SCIN: variants seen among roughly 807,000 people sequenced by gnomAD.
SCIN encodes the protein adseverin.
Under a neutral mutation model 91.8 loss-of-function variants are expected in SCIN, and 91 were observed. That is an observed-to-expected ratio of 0.99 (90% confidence interval 0.84 to 1.18). The LOEUF is 1.18. SCIN is among the 50% of genes most tolerant of loss of function. The probability of loss-of-function intolerance (pLI) is 0.00; values close to 1 mark genes in which losing one functional copy is unlikely to be tolerated. For missense variants in SCIN, 1,087 were observed against 863.9 expected, an observed-to-expected ratio of 1.26 and a Z score of -3.24; for synonymous variants, 367 against 312.6, an observed-to-expected ratio of 1.17 and a Z score of -1.84.
Position 12,624,896 on chromosome 7 carries a change from A to G in SCIN, c.760-114A>G, listed in dbSNP as rs566262287. On this transcript the variant is annotated intron_variant, in intron 5 of 15. Coordinates refer to ENST00000297029, the MANE Select transcript of SCIN (RefSeq NM_001112706.3). ...TTCTTGCATTTAAAGTGTACAATTC[A>G]ATGCTTTTTATTTGATGACATTTAC... 1.5e-4 allele frequency: 157 copies of G among 1,033,838 alleles called. 5 individuals are homozygous for G. The South Asian group carries it at 2.8e-3, about 18-fold the overall frequency. 64.0% of individuals were successfully genotyped at this position (1,033,838 alleles called of 1,614,324 possible).
At chr7:12,593,917 A>C (rs1782781365) in intron 3 of SCIN, among the ~76,000 whole-genome samples, 1 of 152,198 alleles carries the variant, frequency 6.6e-6, no homozygotes, top group African/African-American at 2.4e-5. Context: ...TAAAGTAGAG[A>C]TCATGCCAAG....
intron 9 of SCIN, among the ~76,000 whole-genome samples, chr7:12,630,553 G>GAACACTCT (rs1446211386): frequency 3.7e-4 from 56 of 152,300 alleles, no homozygotes; most frequent in African/African-American, 1.3e-3. Context: ...ACCGCACCCA[G>GAACACTCT]AACACTCTGA....
At position 12,593,670 on chromosome 7, in the gene SCIN, T is replaced by C. The variant is rs192576530; in HGVS notation, c.517-10844T>C. ...CTTTTGGGAAATGTCTTTAAGTTTT[T>C]CAAAATTTACAGCCTATGGGCAGCT... On this transcript the variant is annotated intron_variant, in intron 3 of 15. Coordinates refer to ENST00000297029, the MANE Select transcript of SCIN (RefSeq NM_001112706.3). Among the ~76,000 whole-genome samples, 10 of 152,242 alleles carry C rather than the reference T, an allele frequency of 6.6e-5. No homozygotes were observed. The East Asian group carries it at 1.5e-3, about 24-fold the overall frequency.
intron 13 of SCIN, among the ~76,000 whole-genome samples, chr7:12,645,250 C>T (rs938219288): frequency 2.0e-5 from 3 of 151,998 alleles, no homozygotes; most frequent in Admixed American, 6.6e-5. Flanking sequence ...ACCCAGGAGG[C>T]GGAGGTTGCA....
rs1784174723 is a variant in SCIN, at chr7:12,657,007, G to A, written c.*4292G>A. ...AAAATCAAATATTTTACTTGGTAAT[G>A]CCAAGTAAAAATACAGGAGAGGATA... On this transcript the variant is annotated 3_prime_UTR_variant, in exon 16 of 16. Coordinates refer to ENST00000297029, the MANE Select transcript of SCIN (RefSeq NM_001112706.3). 6.6e-6 allele frequency: 1 copy of A among 151,734 alleles called. No homozygotes were observed. The allele number at this position is 151,734 out of a possible 1,614,324, so 9.4% of individuals were successfully genotyped here. A position where few individuals can be genotyped will look rare whatever the true frequency, so the allele number is the denominator to read the frequency against.
chr7:12,615,422 G>T (rs1747632443), intron 4 of SCIN, among the ~76,000 whole-genome samples: 2 of 151,962 alleles, frequency 1.3e-5, no homozygotes, highest in African/African-American at 4.8e-5. Context: ...TTTCCTTTGT[G>T]TTCCCTCTCT....
At chr7:12,621,960 T>C (rs1368913903) in intron 4 of SCIN, among the ~76,000 whole-genome samples, 3 of 151,862 alleles carry the variant, frequency 2.0e-5, no homozygotes, top group Non-Finnish European at 4.4e-5. Flanking sequence ...TTGTTGTATC[T>C]AAATGAACAT....
At chr7:12,630,621 G>A (rs80006270) in intron 9 of SCIN, among the ~76,000 whole-genome samples, 6,169 of 152,298 alleles carry the variant, frequency 0.041, 135 homozygotes, top group Middle Eastern at 0.075. Flanking sequence ...TTAGCTCTGC[G>A]ATTAACATGT....
chr7:12,631,401 G>A (rs1783638793), intron 9 of SCIN, among the ~76,000 whole-genome samples: 1 of 152,156 alleles, frequency 6.6e-6, no homozygotes. Flanking sequence ...ATTATATACA[G>A]ACCCTCCACC....
chr7:12,576,357 TG>T (rs929777590), intron 1 of SCIN, among the ~76,000 whole-genome samples: 3 of 98,166 alleles, frequency 3.1e-5, no homozygotes, highest in African/African-American at 1.5e-4. Context: ...GCTACTGAGT[TG>T]TTTTTTTTTG....
At chr7:12,598,917 G>C (rs942173222) in intron 3 of SCIN, among the ~76,000 whole-genome samples, 2 of 151,514 alleles carry the variant, frequency 1.3e-5, no homozygotes, top group African/African-American at 4.9e-5. Context: ...CAAAAAAAAA[G>C]AGAGAGAGAA....
intron 13 of SCIN, among the ~76,000 whole-genome samples, chr7:12,647,833 A>T (rs1335900008): frequency 6.6e-6 from 1 of 152,170 alleles, no homozygotes; most frequent in Non-Finnish European, 1.5e-5. Context: ...GCTGCCAGGA[A>T]CTAGGTTTAT....
intron 10 of SCIN, 144 bp from the exon 11 acceptor site, chr7:12,640,201 TTC>T: frequency 1.6e-6 from 1 of 620,112 alleles, no homozygotes; most frequent in South Asian, 3.6e-5. Flanking sequence ...AACCTATATG[TTC>T]TGTTAATCAT....
At chr7:12,571,062 G>A in intron 1 of SCIN, 77 bp downstream of exon 1, 5 of 1,434,972 alleles carry the variant, frequency 3.5e-6, no homozygotes, top group Non-Finnish European at 3.7e-6. Context: ...AGATTTGCAG[G>A]CGTGGGAGTA....
chr7:12,644,252 G>C lies in SCIN; in HGVS notation c.1696G>C (p.Ala566Pro), dbSNP rs1261153351. The C allele has an allele frequency of 6.2e-7, 1 of 1,605,632 alleles. No homozygotes were observed. Among genetic ancestry groups the C allele is most frequent in the South Asian group, 1.1e-5 (1 of 89,394 alleles). The stretch of plus-strand genomic sequence containing the variant: ...TGCTAGCCAGGAGGAGGAGAAAGGA[G>C]CAGAGTATGTAGCAAGTGTCCTAAA... Reference protein sequence around the residue: ...KGASQEEEKGAEYVASVLKCK... With the variant: ...KGASQEEEKGPEYVASVLKCK... Residue 566 changes from alanine to proline, a missense_variant, in exon 12 of 16, where the codon GCA becomes CCA. Ala to Pro is a conservative substitution (Grantham distance 27). Coordinates refer to ENST00000297029, the MANE Select transcript of SCIN (RefSeq NM_001112706.3).
rs543186526 is a variant in SCIN at position 12,585,226 on chromosome 7, G to A, written c.516+4005G>A. Among the ~76,000 whole-genome samples, 4 of 152,070 alleles carry A rather than the reference G, an allele frequency of 2.6e-5. No individual in the cohort carries two copies. The South Asian group carries it at 6.2e-4, about 24-fold the overall frequency. ...GGCATCGATGACCCCTGGTAAATCC[G>A]GTGGACACCGTGACATTATGCACGT... On this transcript the variant is annotated intron_variant, in intron 3 of 15. Coordinates refer to ENST00000297029, the MANE Select transcript of SCIN (RefSeq NM_001112706.3).
chr7:12,606,529 A>C (rs903163113), intron 4 of SCIN, among the ~76,000 whole-genome samples: 5 of 152,208 alleles, frequency 3.3e-5, no homozygotes, highest in African/African-American at 1.2e-4. Flanking sequence ...CTTTCACATT[A>C]ATGATGTTTT....
rs1040116558 is a variant in SCIN at position 12,644,404 on chromosome 7, A to G, written c.1759+89A>G. ...TTTTTCACCAAAAAGTCACTTTCTAATGGCTTATAAGGGTTAACAATCTCT... is the reference window on the plus strand; with the variant it reads ...TTTTTCACCAAAAAGTCACTTTCTAGTGGCTTATAAGGGTTAACAATCTCT... On this transcript the variant is annotated intron_variant, in intron 12 of 15. Coordinates refer to ENST00000297029, the MANE Select transcript of SCIN (RefSeq NM_001112706.3). 4.7e-6 allele frequency: 7 copies of G among 1,475,374 alleles called. No individual in the cohort carries two copies. The South Asian group carries it at 5.4e-5, about 11-fold the overall frequency. The allele number at this position is 1,475,374 out of a possible 1,614,324, so 91.4% of individuals were successfully genotyped here. A position where few individuals can be genotyped will look rare whatever the true frequency, so the allele number is the denominator to read the frequency against.
intron 3 of SCIN, among the ~76,000 whole-genome samples, chr7:12,594,253 A>G (rs1223385327): frequency 2.0e-5 from 3 of 152,150 alleles, no homozygotes; most frequent in African/African-American, 7.2e-5. Context: ...GTGGAGGATC[A>G]TGATGCTGTC....
Sources: gnomAD v4.1 joint callset for allele counts (sites outside exome capture counted in the v4.1 genomes callset) on GRCh38, gnomAD v4.1.1 for gene constraint, MANE v1.5 for transcripts, NCBI Gene and HGNC (gene_info 2026-07-23, HGNC 2026-07-21) for gene names.